Variants in FGGY observed in about 807,000 individuals in gnomAD.
FGGY encodes the protein FGGY carbohydrate kinase domain-containing protein.
Under a neutral mutation model 71.3 loss-of-function variants are expected in FGGY, and 72 were observed. The ratio of observed to expected loss-of-function variants is 1.01; its 90% CI spans 0.84 to 1.23. The LOEUF (loss-of-function observed/expected upper bound fraction) is 1.23, where lower values mean the gene tolerates loss of function less well. Ranked by LOEUF, FGGY falls within the 50% of genes most tolerant of loss-of-function variation. FGGY has a pLI of 0.00. For synonymous variants in FGGY, 251 were observed against 250.3 expected (o/e 1.00, Z -0.02); for missense variants, 668 against 682.3 (o/e 0.98, Z 0.23).
At chr1:59,567,395 GT>G (rs1300049053) in intron 8 of FGGY, among the ~76,000 whole-genome samples, 1 of 152,100 alleles carries the variant, frequency 6.6e-6, no homozygotes, top group Non-Finnish European at 1.5e-5. Context: ...GGGCTGTTTA[GT>G]TGATCGTTGT....
intron 5 of FGGY, among the ~76,000 whole-genome samples, chr1:59,385,133 C>T (rs1297402402): frequency 6.6e-6 from 1 of 151,918 alleles, no homozygotes; most frequent in Non-Finnish European, 1.5e-5. Flanking sequence ...TGTAAGAACA[C>T]CTCCTCCCCT....
At chr1:59,664,858 T>G (rs1446514192) in intron 12 of FGGY, among the ~76,000 whole-genome samples, 1 of 152,232 alleles carries the variant, frequency 6.6e-6, no homozygotes, top group African/African-American at 2.4e-5. Flanking sequence ...AAGACCACAT[T>G]TTTAATTTTT....
At chr1:59,336,350 AC>A (rs1200215418) in intron 2 of FGGY, among the ~76,000 whole-genome samples, 8 of 152,246 alleles carry the variant, frequency 5.3e-5, no homozygotes, top group Non-Finnish European at 8.8e-5. Flanking sequence ...TACCAATACC[AC>A]ATAAACTTAG....
intron 10 of FGGY, among the ~76,000 whole-genome samples, chr1:59,636,936 T>G (rs1376707671): frequency 6.6e-6 from 1 of 152,224 alleles, no homozygotes; most frequent in Non-Finnish European, 1.5e-5. Flanking sequence ...ACAAGCCATG[T>G]TTTTAACCTT....
intron 4 of FGGY, among the ~76,000 whole-genome samples, chr1:59,347,833 G>A (rs898063168): frequency 2.0e-5 from 3 of 152,158 alleles, no homozygotes; most frequent in Admixed American, 6.6e-5. Context: ...TTAAATGTTA[G>A]ACCTAAAACC....
chr1:59,594,225 A>C lies in FGGY; in HGVS notation c.904-13578A>C, dbSNP rs138023185. Reference sequence around the variant, plus strand: ...CCAGCACCTTTGTTGTTTGTATCTTACCAGGATTAACCATACTAGTCTGGA... The same window carrying C: ...CCAGCACCTTTGTTGTTTGTATCTTCCCAGGATTAACCATACTAGTCTGGA... On this transcript the variant is annotated intron_variant, in intron 8 of 15. Transcript: ENST00000303721. Among the ~76,000 whole-genome samples, 23 of 152,218 alleles carry C rather than the reference A, an allele frequency of 1.5e-4. No individual in the cohort carries two copies. The East Asian group carries it at 3.9e-3, about 26-fold the overall frequency.
rs1313603024 is a variant in FGGY, at chr1:59,668,965, T to C, written c.1417+1562T>C. 6.6e-5 allele frequency among the ~76,000 whole-genome samples: 8 copies of C among 121,516 alleles called. No homozygotes were observed. The Admixed American group carries it at 9.0e-4, about 14-fold the overall frequency. The allele number at this position is 121,516 out of a possible 152,430, so 79.7% of individuals were successfully genotyped here. A position where few individuals can be genotyped will look rare whatever the true frequency, so the allele number is the denominator to read the frequency against. On this transcript the variant is annotated intron_variant, in intron 13 of 15. Coordinates refer to ENST00000303721, the MANE Select transcript of FGGY (RefSeq NM_018291.5). ...GAGATTGCGCCATTGCACTCCAGCC[T>C]GGGCAACAAGAGCAAAACTCCATCT...
At chr1:59,336,257 A>G (rs2049475849) in intron 2 of FGGY, among the ~76,000 whole-genome samples, 1 of 152,166 alleles carries the variant, frequency 6.6e-6, no homozygotes, top group Non-Finnish European at 1.5e-5. Flanking sequence ...ATTAAATTAT[A>G]TAGGCACATT....
intron 7 of FGGY, among the ~76,000 whole-genome samples, chr1:59,534,165 C>G (rs999539809): frequency 6.6e-6 from 1 of 151,926 alleles, no homozygotes; most frequent in Non-Finnish European, 1.5e-5. Context: ...AACCAAGGCT[C>G]GAGAACTACG....
At chr1:59,531,425 G>C (rs2095140685) in intron 7 of FGGY, among the ~76,000 whole-genome samples, 1 of 151,632 alleles carries the variant, frequency 6.6e-6, no homozygotes, top group African/African-American at 2.4e-5. Flanking sequence ...TGTCCTCTTG[G>C]TCCCCCAAAA....
At chr1:59,510,565 ACTT>A (rs2094495265) in intron 6 of FGGY, among the ~76,000 whole-genome samples, 1 of 152,206 alleles carries the variant, frequency 6.6e-6, no homozygotes, top group Admixed American at 6.5e-5. Flanking sequence ...AGCATCTTAT[ACTT>A]ATCCTCCAGA....
chr1:59,518,539 C>T (rs1163233179), intron 7 of FGGY, among the ~76,000 whole-genome samples: 4 of 152,144 alleles, frequency 2.6e-5, no homozygotes, highest in African/African-American at 9.7e-5. Flanking sequence ...TTGGAGGGGT[C>T]CCTAGTGGGA....
rs1437572554 is a variant in FGGY at position 59,440,079 on chromosome 1, C to T, written c.555-16882C>T. On this transcript the variant is annotated intron_variant, in intron 5 of 15. Transcript: ENST00000303721. ...TAAGACATAATTTATTTGTTATAAA[C>T]TGCTTTGCAAGGTTCAAAAAAAAAA... 3.1e-5 allele frequency among the ~76,000 whole-genome samples: 4 copies of T among 129,166 alleles called. No homozygotes were observed. The Admixed American group carries it at 3.4e-4, about 11-fold the overall frequency. The allele number at this position is 129,166 out of a possible 152,430, so 84.7% of individuals were successfully genotyped here.
chr1:59,667,244 G>T, intron 12 of FGGY, 39 bp from the exon 13 acceptor site: 1 of 1,612,926 alleles, frequency 6.2e-7, no homozygotes. Context: ...GTTTACTTTT[G>T]TGACTATACT....
chr1:59,484,656 A>G (rs904088184), intron 6 of FGGY, among the ~76,000 whole-genome samples: 4 of 152,198 alleles, frequency 2.6e-5, no homozygotes, highest in Non-Finnish European at 2.9e-5. Context: ...TTTGGTAATA[A>G]AAAGTACTCA....
intron 14 of FGGY, chr1:59,698,656 C>G: frequency 1.5e-6 from 1 of 682,814 alleles, no homozygotes; most frequent in Non-Finnish European, 1.8e-6. Context: ...TGCTTCTGAC[C>G]CACCTCTCCC....
intron 9 of FGGY, among the ~76,000 whole-genome samples, chr1:59,617,914 G>A (rs796335868): frequency 2.5e-4 from 38 of 152,184 alleles, no homozygotes; most frequent in African/African-American, 8.9e-4. Flanking sequence ...TCTGCCTCCT[G>A]CGTCATTGCC....
At chr1:59,431,363 A>G (rs947945776) in intron 5 of FGGY, among the ~76,000 whole-genome samples, 3 of 152,160 alleles carry the variant, frequency 2.0e-5, no homozygotes, top group Non-Finnish European at 4.4e-5. Context: ...TCACACTACC[A>G]TGGATCAAGC....
Position 59,537,206 on chromosome 1 carries a change from G to A in FGGY, c.800-16918G>A, listed in dbSNP as rs552206064. On this transcript the variant is annotated intron_variant, in intron 7 of 15. Coordinates refer to ENST00000303721, the MANE Select transcript of FGGY (RefSeq NM_018291.5). ...CAAGCATTCTTATACACCAATAACA[G>A]ACAAACAGAGATCCAAATCATGAGT... Among the ~76,000 whole-genome samples, 62 of 151,652 alleles carry A rather than the reference G, an allele frequency of 4.1e-4. No homozygotes were observed. In the East Asian group the frequency reaches 7.9e-3, roughly 19 times the overall value.
Sources: allele counts gnomAD v4.1 joint callset (sites outside exome capture counted in the v4.1 genomes callset), GRCh38; gene constraint gnomAD v4.1.1; transcripts MANE v1.5; gene names NCBI Gene and HGNC (gene_info 2026-07-23, HGNC 2026-07-21).